The following FAM13A variants were observed in gnomAD, a reference collection of about 807,000 sequenced individuals.
FAM13A encodes family with sequence similarity 13 member A.
FAM13A carries 76 observed loss-of-function variants against 129.6 expected under a neutral mutation model. The observed-to-expected ratio is 0.59, with a 90% CI of 0.49 to 0.71. The LOEUF (loss-of-function observed/expected upper bound fraction) is 0.71, where lower values mean the gene tolerates loss of function less well. FAM13A is among the 30% of genes least tolerant of loss of function. FAM13A has a pLI of 0.00. For synonymous variants in FAM13A, 443 were observed against 449.9 expected, an observed-to-expected ratio of 0.98 and a Z score of 0.20; for missense variants, 1,108 against 1,249.3, an observed-to-expected ratio of 0.89 and a Z score of 1.70.
chr4:88,742,589 G>A (rs1209845930), intron 19 of FAM13A, among the ~76,000 whole-genome samples: 2 of 152,178 alleles, frequency 1.3e-5, no homozygotes, highest in African/African-American at 4.8e-5. Flanking sequence ...AAGGCTCAGT[G>A]ATACTACAAG....
chr4:89,034,406 T>C (rs1769092752), intron 1 of FAM13A, among the ~76,000 whole-genome samples: 1 of 151,970 alleles, frequency 6.6e-6, no homozygotes, highest in African/African-American at 2.4e-5. Context: ...TGGCTATAAT[T>C]AAAAAGTCAA....
At chr4:88,923,504 C>G (rs573701430) in intron 5 of FAM13A, among the ~76,000 whole-genome samples, 6 of 152,090 alleles carry the variant, frequency 3.9e-5, no homozygotes, top group East Asian at 1.9e-4. Context: ...ATTCAACAAC[C>G]CTTCATGCTA....
At chr4:88,921,370 A>C (rs904120253) in intron 5 of FAM13A, among the ~76,000 whole-genome samples, 14 of 152,242 alleles carry the variant, frequency 9.2e-5, no homozygotes, top group African/African-American at 3.4e-4. Context: ...AAACTCTACC[A>C]GCCAGAAGAG....
At chr4:88,752,569 C>T (rs1216483064) in intron 14 of FAM13A, among the ~76,000 whole-genome samples, 1 of 152,166 alleles carries the variant, frequency 6.6e-6, no homozygotes, top group Admixed American at 6.5e-5. Flanking sequence ...CAAAAAGTGG[C>T]AGAGGACATG....
At chr4:89,042,546 G>A (rs903405044) in intron 1 of FAM13A, among the ~76,000 whole-genome samples, 2 of 152,098 alleles carry the variant, frequency 1.3e-5, no homozygotes, top group African/African-American at 4.8e-5. Flanking sequence ...TTATTTATGT[G>A]CATTGTAGAT....
chr4:88,848,263 G>A lies in FAM13A; in HGVS notation c.1007+2757C>T, dbSNP rs114840570. Among the ~76,000 whole-genome samples the A allele has an allele frequency of 2.2e-3, 340 of 152,300 alleles. 1 individual carries two copies. The highest frequency in any genetic ancestry group is 7.8e-3 in the African/African-American group (325 of 41,562). Reference sequence around the variant, plus strand: ...TCACATAAGCTATAATGTGGAAAGTGTCCTTGTGGTTGTACAGCGCTCAAG... The same window carrying A: ...TCACATAAGCTATAATGTGGAAAGTATCCTTGTGGTTGTACAGCGCTCAAG... On this transcript the variant is annotated intron_variant, in intron 7 of 23. Coordinates refer to ENST00000264344, the MANE Select transcript of FAM13A (RefSeq NM_014883.4).
At chr4:88,797,550 C>A (rs1045512198) in intron 8 of FAM13A, among the ~76,000 whole-genome samples, 1 of 152,198 alleles carries the variant, frequency 6.6e-6, no homozygotes, top group African/African-American at 2.4e-5. Flanking sequence ...CAGGAGAGAA[C>A]TACTGTGTCC....
At chr4:88,921,480 C>T (rs1270127594) in intron 5 of FAM13A, among the ~76,000 whole-genome samples, 1 of 152,080 alleles carries the variant, frequency 6.6e-6, no homozygotes, top group East Asian at 1.9e-4. Context: ...GAAATAAAAT[C>T]CTTTACAGAC....
intron 1 of FAM13A, among the ~76,000 whole-genome samples, chr4:89,053,315 A>G (rs538094040): frequency 6.6e-6 from 1 of 152,306 alleles, no homozygotes; most frequent in African/African-American, 2.4e-5. Context: ...TGTGGCACAG[A>G]AGGCAAGAGC....
chr4:89,045,965 A>G (rs865780679), intron 1 of FAM13A, among the ~76,000 whole-genome samples: 3 of 150,756 alleles, frequency 2.0e-5, no homozygotes, highest in African/African-American at 7.3e-5. Flanking sequence ...CGGAGGTTGC[A>G]GTGAGCCAAG....
At chr4:88,760,068 A>C (rs187869673) in intron 13 of FAM13A, among the ~76,000 whole-genome samples, 2 of 152,364 alleles carry the variant, frequency 1.3e-5, no homozygotes, top group East Asian at 3.9e-4. Context: ...AACTAAGAAC[A>C]TCTGGAAATC....
At chr4:88,817,086 A>G (rs143334291) in intron 7 of FAM13A, among the ~76,000 whole-genome samples, 229 of 152,320 alleles carry the variant, frequency 1.5e-3, no homozygotes, top group African/African-American at 5.3e-3. Flanking sequence ...CACAACATGG[A>G]TGAATCTTGA....
intron 4 of FAM13A, among the ~76,000 whole-genome samples, chr4:88,940,630 G>C (rs964074863): frequency 1.3e-5 from 2 of 152,150 alleles, no homozygotes; most frequent in Non-Finnish European, 2.9e-5. Context: ...AAAAAGTTGA[G>C]GGTGTGACTA....
At chr4:88,874,073 C>T (rs182813103) in intron 6 of FAM13A, among the ~76,000 whole-genome samples, 36 of 152,114 alleles carry the variant, frequency 2.4e-4, no homozygotes, top group South Asian at 1.5e-3. Flanking sequence ...AAAAGGCCTT[C>T]GACAAAATTC....
chr4:88,986,726 C>A (rs998488042), intron 4 of FAM13A, among the ~76,000 whole-genome samples: 79 of 152,246 alleles, frequency 5.2e-4, no homozygotes, highest in African/African-American at 1.7e-3. Context: ...TGGAGAAAAG[C>A]AAATAAATAT....
At chr4:88,850,573 G>T (rs1194780515) in intron 7 of FAM13A, among the ~76,000 whole-genome samples, 1 of 151,810 alleles carries the variant, frequency 6.6e-6, no homozygotes, top group African/African-American at 2.4e-5. Context: ...AAAAATTGCA[G>T]TTTTTTTTCT....
At chr4:88,862,873 C>T (rs997886553) in intron 6 of FAM13A, among the ~76,000 whole-genome samples, 3 of 151,178 alleles carry the variant, frequency 2.0e-5, no homozygotes, top group African/African-American at 7.3e-5. Context: ...TATCATTCTA[C>T]GTAAATAATA....
chr4:88,923,922 G>C (rs1239522125), intron 5 of FAM13A, among the ~76,000 whole-genome samples: 1 of 152,232 alleles, frequency 6.6e-6, no homozygotes, highest in East Asian at 1.9e-4. Flanking sequence ...GACAAACAGA[G>C]AGCCAAATCA....
chr4:88,914,520 T>C (rs1343738172), intron 5 of FAM13A, among the ~76,000 whole-genome samples: 1 of 152,168 alleles, frequency 6.6e-6, no homozygotes, highest in Non-Finnish European at 1.5e-5. Flanking sequence ...TTATTCCTTC[T>C]CCCTGGAATG....
Sources: allele counts gnomAD v4.1 joint callset (sites outside exome capture counted in the v4.1 genomes callset), GRCh38; gene constraint gnomAD v4.1.1; transcripts MANE v1.5; gene names NCBI Gene and HGNC (gene_info 2026-07-23, HGNC 2026-07-21).